The following COL22A1 variants were observed in gnomAD, a reference collection of about 807,000 sequenced individuals.
COL22A1 encodes the protein collagen alpha-1(XXII) chain.
COL22A1 carries 221 observed loss-of-function variants against 248.9 expected under a neutral mutation model. The ratio of observed to expected loss-of-function variants is 0.89; its 90% CI spans 0.80 to 0.99. The LOEUF (loss-of-function observed/expected upper bound fraction) is 0.99, where lower values mean the gene tolerates loss of function less well. Among genes scored for constraint, COL22A1 ranks in the 50% least tolerant of loss-of-function variants. The pLI is 0.00. For missense variants in COL22A1, 2,240 were observed against 2,179.0 expected (o/e 1.03, Z -0.56); for synonymous variants, 891 against 793.4 (o/e 1.12, Z -2.07).
rs764237606 is a variant in COL22A1 at position 138,616,019 on chromosome 8, T to C, written c.3906A>G (p.Glu1302=). 6 of 1,613,378 alleles carry C rather than the reference T, an allele frequency of 3.7e-6. No homozygotes were observed. Among genetic ancestry groups the C allele is most frequent in the Non-Finnish European group, 5.1e-6 (6 of 1,179,540 alleles). The change falls in exon 55 of 65, where the codon GAA becomes GAG. Residue 1302 remains glutamate, a synonymous_variant. Coordinates refer to ENST00000303045, the MANE Select transcript of COL22A1 (RefSeq NM_152888.3). The part of the protein sequence containing the change: ...ESGAMGLPGQ[E]GLPGKDGDTG... ...CACTTACATCTTTTCCTGGTAACCC[T>C]TCCTGACCAGGAAGCCCCATGGCAC...
chr8:138,599,300 C>A (rs1817806192), intron 60 of COL22A1, among the ~76,000 whole-genome samples: 1 of 151,962 alleles, frequency 6.6e-6, no homozygotes, highest in Admixed American at 6.6e-5. Context: ...CCCTGTGAAA[C>A]CCCGTCTCTA....
intron 11 of COL22A1, among the ~76,000 whole-genome samples, chr8:138,802,642 G>T (rs2131629611): frequency 6.6e-6 from 1 of 152,242 alleles, no homozygotes; most frequent in East Asian, 1.9e-4. Flanking sequence ...ACAGAATTCT[G>T]GTTATGGGGT....
At chr8:138,844,614 A>G (rs2131871169) in intron 3 of COL22A1, among the ~76,000 whole-genome samples, 1 of 152,340 alleles carries the variant, frequency 6.6e-6, no homozygotes, top group East Asian at 1.9e-4. Context: ...CTGATAGACA[A>G]AAGACCAAAA....
chr8:138,820,955 T>C (rs1447461164), intron 7 of COL22A1, among the ~76,000 whole-genome samples, 181 bp downstream of exon 7: 1 of 152,170 alleles, frequency 6.6e-6, no homozygotes, highest in African/African-American at 2.4e-5. Context: ...ACATGGGTGA[T>C]GGTGAATTGG....
chr8:138,879,467 A>AGATCAC (rs1824008449), intron 2 of COL22A1, among the ~76,000 whole-genome samples: 2 of 152,084 alleles, frequency 1.3e-5, no homozygotes, highest in East Asian at 3.9e-4. Flanking sequence ...CAAGGCGGGC[A>AGATCAC]GATCACTTGA....
At chr8:138,660,682 G>A (rs1237191951) in intron 43 of COL22A1, among the ~76,000 whole-genome samples, 2 of 152,078 alleles carry the variant, frequency 1.3e-5, no homozygotes, top group South Asian at 2.1e-4. Flanking sequence ...GGAAGAATTC[G>A]ACAATGACAA....
chr8:138,841,734 C>G (rs1412669272), intron 4 of COL22A1, among the ~76,000 whole-genome samples: 1 of 152,064 alleles, frequency 6.6e-6, no homozygotes, highest in East Asian at 1.9e-4. Context: ...ATTAGAGATG[C>G]TACAAAACTC....
intron 12 of COL22A1, among the ~76,000 whole-genome samples, chr8:138,787,991 T>A (rs1033195126): frequency 2.6e-5 from 4 of 152,192 alleles, no homozygotes; most frequent in Non-Finnish European, 5.9e-5. Flanking sequence ...CAGGCCCTAT[T>A]TCTAAATGTT....
intron 12 of COL22A1, among the ~76,000 whole-genome samples, chr8:138,793,418 G>T (rs1238407084): frequency 6.6e-6 from 1 of 152,192 alleles, no homozygotes; most frequent in Non-Finnish European, 1.5e-5. Context: ...CAGAGCTGCT[G>T]CCTGAAGAGG....
chr8:138,912,146 A>C (rs577029467), intron 1 of COL22A1, among the ~76,000 whole-genome samples: 63 of 152,290 alleles, frequency 4.1e-4, no homozygotes, highest in African/African-American at 1.5e-3. Context: ...GAGAAAATTG[A>C]GGCTCACTGA....
chr8:138,792,018 G>A (rs576716714), intron 12 of COL22A1, among the ~76,000 whole-genome samples: 1 of 152,014 alleles, frequency 6.6e-6, no homozygotes, highest in East Asian at 1.9e-4. Context: ...ATGACTTTTT[G>A]GTGGTGCTTG....
chr8:138,659,924 C>T (rs4072881), intron 44 of COL22A1, among the ~76,000 whole-genome samples: 124,660 of 152,238 alleles, frequency 0.82, 51,853 homozygotes, highest in Non-Finnish European at 0.91. Context: ...CCCAGTCAAG[C>T]GCTAGGAAAC....
At chr8:138,909,504 C>A (rs1176592580) in intron 1 of COL22A1, among the ~76,000 whole-genome samples, 14 of 152,032 alleles carry the variant, frequency 9.2e-5, no homozygotes, top group Non-Finnish European at 2.9e-5. Flanking sequence ...AAAGGAAAAG[C>A]TTCTCCTTAG....
chr8:138,870,737 G>A (rs1823271535), intron 3 of COL22A1, among the ~76,000 whole-genome samples: 2 of 151,890 alleles, frequency 1.3e-5, no homozygotes, highest in South Asian at 4.2e-4. Flanking sequence ...TGTGCATAGT[G>A]TTTGTGTATG....
Position 138,745,593 on chromosome 8 carries a change from C to A in COL22A1, c.2085+5865G>T, listed in dbSNP as rs1331871368. Among the ~76,000 whole-genome samples, 4 of 152,316 alleles carry A rather than the reference C, an allele frequency of 2.6e-5. No homozygotes were observed. The South Asian group carries it at 8.3e-4, about 32-fold the overall frequency. Reference sequence around the variant, plus strand: ...ATAAATAAGAAAAAGTCCTTCCTCTCATAGTCTTACATTCTATTAAAGAAA... The same window carrying A: ...ATAAATAAGAAAAAGTCCTTCCTCTAATAGTCTTACATTCTATTAAAGAAA... On this transcript the variant is annotated intron_variant, in intron 22 of 64. Coordinates refer to ENST00000303045, the MANE Select transcript of COL22A1 (RefSeq NM_152888.3).
intron 59 of COL22A1, among the ~76,000 whole-genome samples, chr8:138,602,593 C>T (rs542996619): frequency 2.0e-5 from 3 of 152,316 alleles, no homozygotes; most frequent in Non-Finnish European, 2.9e-5. Context: ...ATGCTCCCCA[C>T]CTCTCTGTCC....
At chr8:138,848,518 C>T (rs1353698224) in intron 3 of COL22A1, among the ~76,000 whole-genome samples, 1 of 152,120 alleles carries the variant, frequency 6.6e-6, no homozygotes, top group Non-Finnish European at 1.5e-5. Flanking sequence ...AGGGCTTGCA[C>T]AATATGGCGT....
At chr8:138,681,068 G>A (rs1416161602) in intron 39 of COL22A1, among the ~76,000 whole-genome samples, 1 of 152,146 alleles carries the variant, frequency 6.6e-6, no homozygotes, top group Non-Finnish European at 1.5e-5. Context: ...ACAACTGCAT[G>A]CCTGCAGAGA....
At chr8:138,894,315 G>A (rs1276434220) in intron 1 of COL22A1, among the ~76,000 whole-genome samples, 2 of 152,170 alleles carry the variant, frequency 1.3e-5, no homozygotes, top group Non-Finnish European at 2.9e-5. Flanking sequence ...GACCAATGAG[G>A]AGTTCTAGTG....
Sources: allele counts gnomAD v4.1 joint callset (sites outside exome capture counted in the v4.1 genomes callset), GRCh38; gene constraint gnomAD v4.1.1; transcripts MANE v1.5; gene names NCBI Gene and HGNC (gene_info 2026-07-23, HGNC 2026-07-21).